The following GPC6 variants were observed in gnomAD, a reference collection of about 807,000 sequenced individuals.
GPC6 encodes the protein glypican 6.
GPC6 carries 14 observed loss-of-function variants against 55.2 expected under a neutral mutation model. The observed-to-expected ratio is 0.25, with a 90% CI of 0.17 to 0.40. The LOEUF is 0.40. GPC6 is among the 10% of genes least tolerant of loss of function. GPC6 has a pLI of 1.00. For missense variants in GPC6, 641 were observed against 708.5 expected, an observed-to-expected ratio of 0.90 and a Z score of 1.08; for synonymous variants, 278 against 259.6, an observed-to-expected ratio of 1.07 and a Z score of -0.68.
At chr13:93,808,265 A>C (rs548919792) in intron 2 of GPC6, among the ~76,000 whole-genome samples, 1 of 152,246 alleles carries the variant, frequency 6.6e-6, no homozygotes, top group Non-Finnish European at 1.5e-5. Flanking sequence ...CCTATTCTGA[A>C]TATTACACAA....
intron 2 of GPC6, among the ~76,000 whole-genome samples, chr13:93,742,709 ATAAGAAGCAT>A (rs1441435638): frequency 6.6e-6 from 1 of 152,200 alleles, no homozygotes; most frequent in Non-Finnish European, 1.5e-5. Context: ...CATCACACTG[ATAAGAAGCAT>A]GCTCATCAAA....
intron 2 of GPC6, among the ~76,000 whole-genome samples, chr13:93,804,385 T>A (rs947096035): frequency 6.6e-6 from 1 of 152,216 alleles, no homozygotes; most frequent in Non-Finnish European, 1.5e-5. Context: ...GTACATGACC[T>A]AAAATTTATT....
intron 4 of GPC6, among the ~76,000 whole-genome samples, chr13:94,234,814 C>T (rs1890830567): frequency 6.6e-6 from 1 of 152,102 alleles, no homozygotes; most frequent in Admixed American, 6.6e-5. Flanking sequence ...TATACCACAA[C>T]ATAGATAAAT....
intron 2 of GPC6, among the ~76,000 whole-genome samples, chr13:93,654,519 G>T (rs1880569364): frequency 6.6e-6 from 1 of 152,024 alleles, no homozygotes; most frequent in African/African-American, 2.4e-5. Context: ...GTAGAGATGG[G>T]GTTTCACCAT....
At chr13:94,337,000 G>A (rs192257159) in intron 6 of GPC6, among the ~76,000 whole-genome samples, 1 of 152,274 alleles carries the variant, frequency 6.6e-6, no homozygotes. Context: ...TAACTGGTGG[G>A]TTAAATGTCT....
At chr13:94,294,633 C>CT (rs35005098) in intron 5 of GPC6, among the ~76,000 whole-genome samples, 2,476 of 148,988 alleles carry the variant, frequency 0.017, 34 homozygotes, top group East Asian at 0.037. Flanking sequence ...GCATCCAGAT[C>CT]TTTTTTTTTT....
chr13:94,369,309 G>C (rs1879424035), intron 6 of GPC6, among the ~76,000 whole-genome samples: 1 of 152,174 alleles, frequency 6.6e-6, no homozygotes, highest in Non-Finnish European at 1.5e-5. Flanking sequence ...GAAAATGGCA[G>C]GTGGCCTTCT....
intron 3 of GPC6, among the ~76,000 whole-genome samples, chr13:93,957,796 C>T (rs564144862): frequency 6.6e-6 from 1 of 152,290 alleles, no homozygotes; most frequent in African/African-American, 2.4e-5. Flanking sequence ...GAGAAATCTC[C>T]AAACTGCTTT....
chr13:93,384,028 G>A (rs1020090662), intron 1 of GPC6, among the ~76,000 whole-genome samples: 6 of 151,926 alleles, frequency 3.9e-5, no homozygotes, highest in Non-Finnish European at 8.8e-5. Flanking sequence ...TTAAAGGCTT[G>A]GATCATACCA....
At chr13:94,335,550 T>C (rs541530400) in intron 6 of GPC6, among the ~76,000 whole-genome samples, 28 of 152,260 alleles carry the variant, frequency 1.8e-4, no homozygotes, top group African/African-American at 6.5e-4. Context: ...GTTTGACATC[T>C]AGTAGGATAA....
chr13:93,841,029 A>C (rs1887935567), intron 3 of GPC6, among the ~76,000 whole-genome samples: 1 of 152,160 alleles, frequency 6.6e-6, no homozygotes, highest in Admixed American at 6.5e-5. Context: ...CAGCAGGCAC[A>C]CTGTAATCAC....
At chr13:94,060,828 T>C (rs1884296717) in intron 4 of GPC6, among the ~76,000 whole-genome samples, 1 of 152,220 alleles carries the variant, frequency 6.6e-6, no homozygotes, top group African/African-American at 2.4e-5. Context: ...CAAACTTTTT[T>C]AATTTGCCAA....
chr13:93,732,373 G>C (rs574095291), intron 2 of GPC6, among the ~76,000 whole-genome samples: 1 of 152,118 alleles, frequency 6.6e-6, no homozygotes, highest in Non-Finnish European at 1.5e-5. Context: ...TATTGGAGAT[G>C]AATATAAGAC....
chr13:93,613,531 ACAC>A (rs1878583279), intron 2 of GPC6, among the ~76,000 whole-genome samples: 2 of 42,490 alleles, frequency 4.7e-5, no homozygotes, highest in South Asian at 1.1e-3. Context: ...CACACACAAA[ACAC>A]ACACACACAC....
At chr13:94,128,659 T>C (rs974914029) in intron 4 of GPC6, among the ~76,000 whole-genome samples, 3 of 152,076 alleles carry the variant, frequency 2.0e-5, no homozygotes, top group Non-Finnish European at 4.4e-5. Flanking sequence ...CCAGGACAAT[T>C]TACTTGGCCC....
intron 2 of GPC6, among the ~76,000 whole-genome samples, chr13:93,626,899 G>A (rs1031963359): frequency 6.6e-6 from 1 of 152,050 alleles, no homozygotes; most frequent in Non-Finnish European, 1.5e-5. Context: ...ACGTGACTGG[G>A]GAGGCCTCAG....
intron 4 of GPC6, among the ~76,000 whole-genome samples, chr13:94,271,706 T>C (rs972889648): frequency 1.3e-5 from 2 of 152,130 alleles, no homozygotes; most frequent in Non-Finnish European, 2.9e-5. Context: ...ACAAAAGATG[T>C]GTCTCTCTCA....
chr13:93,437,990 C>T (rs1294735862), intron 1 of GPC6, among the ~76,000 whole-genome samples: 2 of 152,034 alleles, frequency 1.3e-5, no homozygotes, highest in East Asian at 3.9e-4. Context: ...AATCCTAGGG[C>T]CATTAAGAAT....
chr13:93,549,744 A>T (rs570255615), intron 2 of GPC6, among the ~76,000 whole-genome samples: 113 of 152,112 alleles, frequency 7.4e-4, no homozygotes, highest in African/African-American at 2.7e-3. Flanking sequence ...GTCAAGGAAA[A>T]GTGGAAGATT....
Sources: allele counts gnomAD v4.1 joint callset (sites outside exome capture counted in the v4.1 genomes callset), GRCh38; gene constraint gnomAD v4.1.1; transcripts MANE v1.5; gene names NCBI Gene and HGNC (gene_info 2026-07-23, HGNC 2026-07-21).